Variants in RBPMS observed in about 807,000 individuals in gnomAD.
The protein encoded by RBPMS is RNA-binding protein with multiple splicing.
A neutral mutation model predicts 26.8 loss-of-function variants in RBPMS; 7 were observed. The ratio of observed to expected loss-of-function variants is 0.26; its 90% CI spans 0.15 to 0.49. The LOEUF (loss-of-function observed/expected upper bound fraction) is 0.49, where lower values mean the gene tolerates loss of function less well. Among genes scored for constraint, RBPMS ranks in the 20% least tolerant of loss-of-function variants. RBPMS has a pLI of 0.98. For synonymous variants in RBPMS, 96 were observed against 93.3 expected, an observed-to-expected ratio of 1.03 and a Z score of -0.17; for missense variants, 186 against 250.0, an observed-to-expected ratio of 0.74 and a Z score of 1.73.
intron 1 of RBPMS, among the ~76,000 whole-genome samples, chr8:30,449,280 C>T (rs1226120886): frequency 2.0e-5 from 3 of 151,640 alleles, no homozygotes; most frequent in Non-Finnish European, 2.9e-5. Context: ...CTGACTTAGT[C>T]TTATGTTCAG....
chr8:30,473,420 G>A (rs1817352765), intron 1 of RBPMS, among the ~76,000 whole-genome samples: 1 of 152,172 alleles, frequency 6.6e-6, no homozygotes, highest in Non-Finnish European at 1.5e-5. Flanking sequence ...TGCACTATAT[G>A]TATTTACATA....
intron 1 of RBPMS, among the ~76,000 whole-genome samples, chr8:30,454,710 G>C (rs1373375967): frequency 6.6e-6 from 1 of 152,136 alleles, no homozygotes; most frequent in Non-Finnish European, 1.5e-5. Context: ...AAATACTTTA[G>C]GGTACTACTG....
At chr8:30,524,032 C>A (rs529766564) in intron 5 of RBPMS, among the ~76,000 whole-genome samples, 11 of 152,116 alleles carry the variant, frequency 7.2e-5, no homozygotes, top group Admixed American at 5.9e-4. Context: ...GTTGTGGAAC[C>A]CAGATTGTTT....
In RBPMS at chr8:30,486,855, GAAAT is replaced by G. The variant is rs377359012; in HGVS notation, c.246+7480_246+7483del. ...CCATCAGATAATTACATGACTGTGTGAAATAGCTCTCAGAATTTTCCTTATGGCC... is the reference window on the plus strand; with the variant it reads ...CCATCAGATAATTACATGACTGTGTGAGCTCTCAGAATTTTCCTTATGGCC... On this transcript the variant is annotated intron_variant, in intron 4 of 8. Transcript: ENST00000397323. Among the ~76,000 whole-genome samples the G allele has an allele frequency of 3.2e-4, 48 of 152,242 alleles. No homozygotes were observed. In the Middle Eastern group the frequency reaches 0.014, roughly 43 times the overall value.
At chr8:30,524,836 T>G (rs1823412405) in intron 5 of RBPMS, among the ~76,000 whole-genome samples, 1 of 152,180 alleles carries the variant, frequency 6.6e-6, no homozygotes, top group African/African-American at 2.4e-5. Context: ...AGAAACTTAA[T>G]TTCAAACTTT....
At chr8:30,433,974 G>C (rs1180400785) in intron 1 of RBPMS, among the ~76,000 whole-genome samples, 4 of 152,012 alleles carry the variant, frequency 2.6e-5, no homozygotes, top group Non-Finnish European at 5.9e-5. Context: ...CTTTGAGGTG[G>C]ATAAACCTAC....
At chr8:30,477,266 GTCTCGA>G (rs1168280814) in intron 2 of RBPMS, among the ~76,000 whole-genome samples, 12 of 152,108 alleles carry the variant, frequency 7.9e-5, no homozygotes, top group Admixed American at 3.3e-4. Context: ...CTTGTCGATG[GTCTCGA>G]TCTCCAGACC....
intron 5 of RBPMS, among the ~76,000 whole-genome samples, chr8:30,523,869 C>T (rs915799681): frequency 5.8e-4 from 88 of 152,170 alleles, no homozygotes; most frequent in African/African-American, 2.0e-3. Flanking sequence ...ATGGTCTACT[C>T]ATTTTTCCTT....
chr8:30,450,571 A>G (rs1004538643), intron 1 of RBPMS, among the ~76,000 whole-genome samples: 1 of 152,152 alleles, frequency 6.6e-6, no homozygotes, highest in Non-Finnish European at 1.5e-5. Context: ...GTATGCCTCC[A>G]CTGCTGTCCA....
intron 5 of RBPMS, among the ~76,000 whole-genome samples, chr8:30,511,184 G>A (rs574749486): frequency 7.5e-4 from 114 of 151,966 alleles, no homozygotes; most frequent in Admixed American, 1.7e-3. Context: ...GCGTGGCAGC[G>A]CTCACCTGTA....
chr8:30,477,208 A>G (rs1446432280), intron 2 of RBPMS, among the ~76,000 whole-genome samples: 1 of 151,988 alleles, frequency 6.6e-6, no homozygotes. Context: ...ACCCACCACC[A>G]TGCTCGGCTA....
At chr8:30,567,046 T>C (rs1050361798) in intron 8 of RBPMS, among the ~76,000 whole-genome samples, 1 of 152,200 alleles carries the variant, frequency 6.6e-6, no homozygotes, top group African/African-American at 2.4e-5. Flanking sequence ...GAGGTGACCT[T>C]GCTGTTGGGT....
intron 1 of RBPMS, among the ~76,000 whole-genome samples, chr8:30,393,231 T>C (rs1171949439): frequency 6.6e-6 from 1 of 152,068 alleles, no homozygotes; most frequent in Non-Finnish European, 1.5e-5. Flanking sequence ...TATATGGTCT[T>C]TCTCATATGC....
At chr8:30,529,388 G>C (rs1306910194) in intron 5 of RBPMS, among the ~76,000 whole-genome samples, 1 of 151,882 alleles carries the variant, frequency 6.6e-6, no homozygotes, top group Non-Finnish European at 1.5e-5. Context: ...TGTAATCCCA[G>C]CTACTCGGGA....
intron 4 of RBPMS, among the ~76,000 whole-genome samples, chr8:30,502,777 C>A (rs1820693566): frequency 6.6e-6 from 1 of 152,134 alleles, no homozygotes; most frequent in South Asian, 2.1e-4. Context: ...TGACCTCACC[C>A]CAGCCTGCTT....
chr8:30,449,951 T>C (rs1585506505), intron 1 of RBPMS, among the ~76,000 whole-genome samples: 1 of 152,394 alleles, frequency 6.6e-6, no homozygotes, highest in Non-Finnish European at 1.5e-5. Flanking sequence ...TACTTTTAGT[T>C]ACACTTCAAG....
chr8:30,423,543 C>T (rs1811031779), intron 1 of RBPMS, among the ~76,000 whole-genome samples: 1 of 151,708 alleles, frequency 6.6e-6, no homozygotes, highest in African/African-American at 2.4e-5. Context: ...GAGTAACGGC[C>T]ACTTCCCATC....
intron 1 of RBPMS, among the ~76,000 whole-genome samples, chr8:30,458,954 G>A (rs1026046293): frequency 6.7e-6 from 1 of 149,682 alleles, no homozygotes; most frequent in Non-Finnish European, 1.5e-5. Flanking sequence ...ACCACACCCA[G>A]CATGTTGGCT....
intron 1 of RBPMS, among the ~76,000 whole-genome samples, chr8:30,419,456 G>A (rs999940608): frequency 1.0e-4 from 15 of 143,540 alleles, no homozygotes; most frequent in African/African-American, 4.0e-4. Flanking sequence ...AAAAATGTGT[G>A]TGTGTGTGTG....
Sources: gnomAD v4.1 joint callset for allele counts (sites outside exome capture counted in the v4.1 genomes callset) on GRCh38, gnomAD v4.1.1 for gene constraint, MANE v1.5 for transcripts, NCBI Gene and HGNC (gene_info 2026-07-23, HGNC 2026-07-21) for gene names.